CCDC171: variants seen among roughly 807,000 people sequenced by gnomAD.
The protein encoded by CCDC171 is coiled-coil domain-containing protein 171.
Under a neutral mutation model 168.2 loss-of-function variants are expected in CCDC171, and 177 were observed. The ratio of observed to expected loss-of-function variants is 1.05; its 90% CI spans 0.93 to 1.19. The LOEUF is 1.19. Ranked by LOEUF, CCDC171 falls within the 50% of genes most tolerant of loss-of-function variation. CCDC171 has a pLI of 0.00. For missense variants in CCDC171, 1,991 were observed against 1,539.0 expected, an observed-to-expected ratio of 1.29 and a Z score of -4.91; for synonymous variants, 687 against 540.8, an observed-to-expected ratio of 1.27 and a Z score of -3.75.
chr9:15,627,681 G>A (rs1418073260), intron 7 of CCDC171, among the ~76,000 whole-genome samples: 3 of 152,206 alleles, frequency 2.0e-5, no homozygotes, highest in Non-Finnish European at 2.9e-5. Flanking sequence ...TGGTCTTAGA[G>A]ACAGTTTGTT....
chr9:15,623,293 G>A lies in CCDC171; in HGVS notation c.702G>A (p.Met234Ile), dbSNP rs2044658579. 1 of 1,594,076 alleles carries A rather than the reference G, an allele frequency of 6.3e-7. No homozygotes were observed. The highest frequency in any genetic ancestry group is 8.6e-7 in the Non-Finnish European group (1 of 1,169,398). The change falls in exon 7 of 26, where the codon ATG becomes ATA. Residue 234 changes from methionine to isoleucine, a missense_variant. Physicochemically the swap from Met to Ile is conservative, Grantham distance 10. Transcript: ENST00000380701. ...VQEQDTAVQN[M>I]HKKVEKLETE... ...AGCAAGATACTGCTGTGCAAAATATGCATAAGAAAGTAGAAAAATTAGAAA... is the reference window on the plus strand; with the variant it reads ...AGCAAGATACTGCTGTGCAAAATATACATAAGAAAGTAGAAAAATTAGAAA...
At chr9:15,682,156 T>C (rs1231130617) in intron 10 of CCDC171, among the ~76,000 whole-genome samples, 1 of 152,098 alleles carries the variant, frequency 6.6e-6, no homozygotes. Flanking sequence ...CAAGGTGTTA[T>C]TAATAAGATA....
chr9:15,675,273 C>T (rs190636425), intron 9 of CCDC171, among the ~76,000 whole-genome samples: 14 of 143,564 alleles, frequency 9.8e-5, no homozygotes, highest in Admixed American at 4.3e-4. Context: ...TGTCTCTGCA[C>T]GTGAGATGGG....
chr9:16,067,427 A>C, the CCDC171 span, among the ~76,000 whole-genome samples: 1,058 of 152,110 alleles, frequency 7.0e-3, 4 homozygotes, highest in Non-Finnish European at 0.01. Flanking sequence ...GTTCACTCTG[A>C]TGGTAGTTTC....
In CCDC171 at chr9:15,784,520, C is replaced by A. The variant is rs2057834923; in HGVS notation, c.3093C>A (p.Thr1031=). 1 of 1,611,174 alleles carries A rather than the reference C, an allele frequency of 6.2e-7. No individual in the cohort carries two copies. ...LNEFKQSKLI[T]HEKFESACEE... The stretch of plus-strand genomic sequence containing the variant: ...CCTCCTTTTTACAGAAATTGATCAC[C>A]CATGAGAAGTTTGAAAGTGCATGTG... The change falls in exon 21 of 26, where the codon ACC becomes ACA. Residue 1031 remains threonine, a synonymous_variant. Coordinates refer to ENST00000380701, the MANE Select transcript of CCDC171 (RefSeq NM_173550.4).
rs529953882 is a variant in CCDC171 at position 16,007,383 on chromosome 9, G to T, written n.369-13206G>T. 2.8e-4 allele frequency among the ~76,000 whole-genome samples: 43 copies of T among 152,232 alleles called. 2 individuals carry two copies. The highest frequency in any genetic ancestry group is 4.2e-4 in the South Asian group (2 of 4,816). Reference sequence around the variant, plus strand: ...AAAGTTTTCTCCCATTCTGTAGGTTGCCTGTTCACTCTGATGGTAGTTTCT... The same window carrying T: ...AAAGTTTTCTCCCATTCTGTAGGTTTCCTGTTCACTCTGATGGTAGTTTCT... On this transcript the variant is annotated intron_variant and non_coding_transcript_variant, in intron 3 of 9. Transcript: ENST00000486641.
intron 21 of CCDC171, among the ~76,000 whole-genome samples, chr9:15,814,959 A>G (rs2059506994): frequency 6.6e-6 from 1 of 152,210 alleles, no homozygotes; most frequent in Admixed American, 6.5e-5. Context: ...AGTATTATAA[A>G]ATCTTACATT....
intron 3 of CCDC171, among the ~76,000 whole-genome samples, chr9:15,572,850 T>G (rs1427142053): frequency 1.3e-5 from 2 of 152,158 alleles, no homozygotes; most frequent in Non-Finnish European, 2.9e-5. Flanking sequence ...CCGTCAGTAG[T>G]TGTGTATTGA....
At chr9:15,888,379 G>A (rs1308261446) in intron 24 of CCDC171, among the ~76,000 whole-genome samples, 3 of 152,110 alleles carry the variant, frequency 2.0e-5, no homozygotes, top group African/African-American at 7.2e-5. Flanking sequence ...TTCCAGTTAA[G>A]TATATAGCCA....
chr9:15,766,559 TAAGG>T (rs1452994830), intron 18 of CCDC171, among the ~76,000 whole-genome samples: 1 of 152,096 alleles, frequency 6.6e-6, no homozygotes, highest in Admixed American at 6.5e-5. Context: ...TTCTGATTGT[TAAGG>T]AAGAGCTTGT....
At chr9:16,020,676 T>C (rs929975381) in exon 4 of CCDC171, 2 of 154,386 alleles carry the variant, frequency 1.3e-5, no homozygotes, top group African/African-American at 4.8e-5. Flanking sequence ...CCAAGATGGC[T>C]ACTGAGTGAC....
chr9:15,689,704 C>T (rs1055368287), intron 10 of CCDC171, among the ~76,000 whole-genome samples: 1 of 152,098 alleles, frequency 6.6e-6, no homozygotes, highest in South Asian at 2.1e-4. Context: ...GAGTAAGACT[C>T]AGTCTCAAAA....
chr9:16,039,655 T>C (rs1172382200), upstream of CCDC171, among the ~76,000 whole-genome samples: 1 of 152,190 alleles, frequency 6.6e-6, no homozygotes, highest in African/African-American at 2.4e-5. Flanking sequence ...TCTTCCTCAT[T>C]CTTACATCTG....
intron 24 of CCDC171, among the ~76,000 whole-genome samples, chr9:15,878,204 TG>T (rs1249897837): frequency 3.9e-5 from 6 of 151,922 alleles, no homozygotes; most frequent in Non-Finnish European, 7.4e-5. Context: ...ACCTACAGAA[TG>T]GGGAAAAATA....
At chr9:15,725,026 A>C in intron 14 of CCDC171, 50 bp downstream of exon 14, 112 of 1,265,356 alleles carry the variant, frequency 8.9e-5, no homozygotes, top group Middle Eastern at 1.9e-4. Flanking sequence ...CACTAATCTC[A>C]GTGTTATACA....
At chr9:15,931,456 C>CTTTTTTTTTTTTTTTTTTTT (rs57124025) in intron 25 of CCDC171, among the ~76,000 whole-genome samples, 30 of 44,990 alleles carry the variant, frequency 6.7e-4, no homozygotes, top group East Asian at 1.5e-3. Flanking sequence ...TTCTTTCTTT[C>CTTTTTTTTTTTTTTTTTTTT]TTTTTTTTTT....
chr9:15,998,959 C>A (rs1239963887), intron 3 of CCDC171, among the ~76,000 whole-genome samples: 1 of 152,100 alleles, frequency 6.6e-6, no homozygotes, highest in Non-Finnish European at 1.5e-5. Context: ...ACAACTTTTT[C>A]TGAAAAAATC....
At chr9:16,018,961 A>G (rs749725524) in intron 3 of CCDC171, among the ~76,000 whole-genome samples, 13 of 151,938 alleles carry the variant, frequency 8.6e-5, no homozygotes, top group African/African-American at 2.2e-4. Context: ...AGATTGAACA[A>G]TTTTTCCTAT....
At chr9:15,567,285 G>C (rs2039826471) in intron 2 of CCDC171, among the ~76,000 whole-genome samples, 1 of 152,142 alleles carries the variant, frequency 6.6e-6, no homozygotes, top group Non-Finnish European at 1.5e-5. Context: ...CTCCCACAGT[G>C]CTGGGATTAC....
Sources: allele counts gnomAD v4.1 joint callset (sites outside exome capture counted in the v4.1 genomes callset), GRCh38; gene constraint gnomAD v4.1.1; transcripts MANE v1.5; gene names NCBI Gene and HGNC (gene_info 2026-07-23, HGNC 2026-07-21).